The following PARD3B variants were observed in gnomAD, a reference collection of about 807,000 sequenced individuals.
PARD3B encodes the protein partitioning defective 3 homolog B.
A neutral mutation model predicts 130.2 loss-of-function variants in PARD3B; 103 were observed. The observed-to-expected ratio is 0.79, with a 90% CI of 0.67 to 0.93. PARD3B has a LOEUF of 0.93. Ranked by LOEUF, PARD3B falls within the 40% of genes least tolerant of loss-of-function variation. PARD3B has a pLI of 0.00. For synonymous variants in PARD3B, 583 were observed against 553.2 expected (o/e 1.05, Z -0.76); for missense variants, 1,609 against 1,499.2 (o/e 1.07, Z -1.21).
chr2:204,642,511 G>A (rs889495443), intron 1 of PARD3B, among the ~76,000 whole-genome samples: 3 of 152,176 alleles, frequency 2.0e-5, no homozygotes, highest in Admixed American at 2.0e-4. Flanking sequence ...TTGGTTTCAT[G>A]ATGCTAGGGA....
At chr2:204,832,701 C>T (rs2043873936) in intron 2 of PARD3B, among the ~76,000 whole-genome samples, 1 of 152,136 alleles carries the variant, frequency 6.6e-6, no homozygotes, top group African/African-American at 2.4e-5. Flanking sequence ...AGTGAGGAAC[C>T]TCTTTAGGTC....
chr2:204,955,311 G>C (rs186338449), intron 2 of PARD3B, among the ~76,000 whole-genome samples: 1 of 152,224 alleles, frequency 6.6e-6, no homozygotes, highest in Non-Finnish European at 1.5e-5. Flanking sequence ...AGGAGACAAG[G>C]TTGGAATCAT....
chr2:204,925,510 C>T (rs1233709430), intron 2 of PARD3B, among the ~76,000 whole-genome samples: 1 of 151,864 alleles, frequency 6.6e-6, no homozygotes, highest in Non-Finnish European at 1.5e-5. Flanking sequence ...TGGAAAAAAA[C>T]AAGGGCTTAT....
intron 3 of PARD3B, among the ~76,000 whole-genome samples, chr2:204,976,470 A>G (rs1417638767): frequency 6.6e-6 from 1 of 152,216 alleles, no homozygotes; most frequent in Non-Finnish European, 1.5e-5. Flanking sequence ...ATGTACATGT[A>G]AAACACAGAG....
intron 20 of PARD3B, among the ~76,000 whole-genome samples, chr2:205,466,101 C>T (rs2048613012): frequency 6.6e-6 from 1 of 152,150 alleles, no homozygotes; most frequent in South Asian, 2.1e-4. Context: ...GGGATGGGGC[C>T]TGAGTTGTGC....
chr2:205,327,612 G>A (rs912737804), intron 18 of PARD3B, among the ~76,000 whole-genome samples: 12 of 152,100 alleles, frequency 7.9e-5, no homozygotes, highest in African/African-American at 1.7e-4. Flanking sequence ...GCAGTCTGGC[G>A]CCATACTCCT....
intron 15 of PARD3B, among the ~76,000 whole-genome samples, chr2:205,205,228 A>C (rs1028117134): frequency 5.3e-5 from 8 of 152,062 alleles, no homozygotes; most frequent in Non-Finnish European, 8.8e-5. Flanking sequence ...ATGGGAGTTC[A>C]CTCATGATTT....
chr2:205,130,542 T>C (rs1429738894), intron 10 of PARD3B, among the ~76,000 whole-genome samples: 1 of 152,220 alleles, frequency 6.6e-6, no homozygotes, highest in East Asian at 1.9e-4. Flanking sequence ...TGTGCATGTA[T>C]GTGCATGTCT....
intron 6 of PARD3B, among the ~76,000 whole-genome samples, chr2:205,117,528 T>C (rs902264700): frequency 6.6e-6 from 1 of 152,226 alleles, no homozygotes; most frequent in African/African-American, 2.4e-5. Flanking sequence ...GAGGACTACT[T>C]TCTCTAATAC....
Position 205,183,549 on chromosome 2 carries a change from G to A in PARD3B, c.1925-2215G>A, listed in dbSNP as rs537249184. On this transcript the variant is annotated intron_variant, in intron 13 of 22. Transcript: ENST00000406610. This position sits in a 1 kb window ranked among gnomAD's most constrained non-coding sequence, Gnocchi z 5.2. ...GGTGGTGCAGGGGCACAGTGCAGGC[G>A]CTGCCTTTGTGCTTCTTTCCCCCTG... 1.2e-4 allele frequency among the ~76,000 whole-genome samples: 19 copies of A among 152,220 alleles called. 2 individuals are homozygous for A. In the South Asian group the frequency reaches 2.5e-3, roughly 20 times the overall value.
At chr2:205,259,746 T>G (rs2040229672) in intron 16 of PARD3B, among the ~76,000 whole-genome samples, 1 of 152,174 alleles carries the variant, frequency 6.6e-6, no homozygotes, top group Non-Finnish European at 1.5e-5. Flanking sequence ...GATATTTTTC[T>G]GTCTTCTTGA....
At chr2:205,153,368 G>A (rs2033892751) in intron 10 of PARD3B, among the ~76,000 whole-genome samples, 1 of 152,286 alleles carries the variant, frequency 6.6e-6, no homozygotes, top group East Asian at 1.9e-4. Context: ...GCTGGGAGCT[G>A]TAGACTGGAG....
chr2:205,440,358 T>C lies in PARD3B; in HGVS notation c.2742-12T>C, dbSNP rs770222837. 1 of 1,612,340 alleles carries C rather than the reference T, an allele frequency of 6.2e-7. No individual in the cohort carries two copies. Among genetic ancestry groups the C allele is most frequent in the South Asian group, 1.1e-5 (1 of 91,038 alleles). On this transcript the variant is annotated splice_polypyrimidine_tract_variant and intron_variant, in intron 19 of 22. Transcript: ENST00000406610. This position sits in a 1 kb window ranked among gnomAD's most constrained non-coding sequence, Gnocchi z 4.2. ...TCACATACATCTTTGCTACCTGTACTGTATTTTTCAGGATTGGAGCAAAAC... is the reference window on the plus strand; with the variant it reads ...TCACATACATCTTTGCTACCTGTACCGTATTTTTCAGGATTGGAGCAAAAC...
chr2:204,641,687 T>C (rs190326107), intron 1 of PARD3B, among the ~76,000 whole-genome samples: 131 of 152,298 alleles, frequency 8.6e-4, no homozygotes, highest in African/African-American at 3.0e-3. Context: ...AACACTTTCA[T>C]ATGTAGTTGT....
At chr2:204,814,603 G>A (rs1378457754) in intron 2 of PARD3B, among the ~76,000 whole-genome samples, 1 of 151,908 alleles carries the variant, frequency 6.6e-6, no homozygotes, top group Non-Finnish European at 1.5e-5. Flanking sequence ...GCACAATGTG[G>A]AAGAGAAGTG....
At chr2:204,891,033 T>G (rs1406000962) in intron 2 of PARD3B, among the ~76,000 whole-genome samples, 1 of 152,118 alleles carries the variant, frequency 6.6e-6, no homozygotes, top group African/African-American at 2.4e-5. Flanking sequence ...TAATCTCTTT[T>G]TCCTTTCAAG....
chr2:205,005,491 T>C (rs1453422342), intron 3 of PARD3B, among the ~76,000 whole-genome samples: 1 of 152,150 alleles, frequency 6.6e-6, no homozygotes, highest in Admixed American at 6.5e-5. Context: ...AATAATTGTC[T>C]AGAGACTAGA....
chr2:205,614,148 G>C (rs774640849), intron 22 of PARD3B, among the ~76,000 whole-genome samples: 5 of 152,100 alleles, frequency 3.3e-5, no homozygotes, highest in African/African-American at 4.8e-5. Flanking sequence ...TTAACCCCAG[G>C]CTAGATAAAA....
Position 205,269,408 on chromosome 2 carries a change from A to G in PARD3B, c.2185+23586A>G, listed in dbSNP as rs2040632532. ...GACATCATTCATTCATGATAAAGGA[A>G]ACAAGGAGGCTTTTTCAGGTAATGT... On this transcript the variant is annotated intron_variant, in intron 16 of 22. Transcript: ENST00000406610. The surrounding 1 kb of genome is among the most constrained non-coding windows in gnomAD (Gnocchi z 4.7). Among the ~76,000 whole-genome samples, 2 of 152,204 alleles carry G rather than the reference A, an allele frequency of 1.3e-5. No individual in the cohort carries two copies. Among genetic ancestry groups the G allele is most frequent in the African/African-American group, 4.8e-5 (2 of 41,456 alleles).
Sources: gnomAD v4.1 joint callset for allele counts (sites outside exome capture counted in the v4.1 genomes callset) on GRCh38, gnomAD v4.1.1 for gene constraint, Gnocchi (gnomAD v3.1) non-coding constraint, MANE v1.5 for transcripts, NCBI Gene and HGNC (gene_info 2026-07-23, HGNC 2026-07-21) for gene names.